ELAVL2: variants seen among roughly 807,000 people sequenced by gnomAD.
The protein encoded by ELAVL2 is ELAV like RNA binding protein 2.
A neutral mutation model predicts 34.6 loss-of-function variants in ELAVL2; 4 were observed. The ratio of observed to expected loss-of-function variants is 0.12; its 90% CI spans 0.06 to 0.26. ELAVL2 has a LOEUF of 0.26. Among genes scored for constraint, ELAVL2 ranks in the 10% least tolerant of loss-of-function variants. The pLI is 1.00. For missense variants in ELAVL2, 432 were observed against 442.8 expected, an observed-to-expected ratio of 0.98 and a Z score of 0.22; for synonymous variants, 193 against 154.8, an observed-to-expected ratio of 1.25 and a Z score of -1.83.
the ELAVL2 span, among the ~76,000 whole-genome samples, chr9:23,843,440 A>C: frequency 6.6e-6 from 1 of 152,130 alleles, no homozygotes; most frequent in Non-Finnish European, 1.5e-5. Flanking sequence ...AAAACTACAC[A>C]CATTTAGGAG....
intron 1 of ELAVL2, among the ~76,000 whole-genome samples, chr9:23,774,213 C>CAAAAAAAAAAAAAAAA (rs57247631): frequency 1.8e-4 from 11 of 61,448 alleles, no homozygotes; most frequent in Non-Finnish European, 2.3e-4. Flanking sequence ...GACTCCATCT[C>CAAAAAAAAAAAAAAAA]AAAAAAAAAA....
chr9:23,736,767 A>T (rs77795426), intron 2 of ELAVL2, among the ~76,000 whole-genome samples: 1,547 of 152,218 alleles, frequency 0.01, 33 homozygotes, highest in African/African-American at 0.036. Flanking sequence ...TTAATTCCAA[A>T]AACAGCCATC....
chr9:23,763,586 G>C (rs2055552818), intron 1 of ELAVL2, among the ~76,000 whole-genome samples: 1 of 152,116 alleles, frequency 6.6e-6, no homozygotes, highest in Admixed American at 6.6e-5. Context: ...TAAAGGGAAA[G>C]AGGGTTACAA....
At chr9:23,696,199 T>C (rs1349531808) in intron 5 of ELAVL2, among the ~76,000 whole-genome samples, 1 of 152,006 alleles carries the variant, frequency 6.6e-6, no homozygotes, top group Non-Finnish European at 1.5e-5. Context: ...GCCCAGGCAC[T>C]GCTGAAGCCC....
At position 23,764,955 on chromosome 9, in the gene ELAVL2, C is replaced by T. The variant is rs2055898042; in HGVS notation, c.-15-2706G>A. 2.6e-6 allele frequency: 4 copies of T among 1,563,500 alleles called. No individual in the cohort carries two copies. The South Asian group carries it at 3.4e-5, about 13-fold the overall frequency. On this transcript the variant is annotated intron_variant, in intron 1 of 6. Transcript: ENST00000397312. The stretch of plus-strand genomic sequence containing the variant: ...AGTGTTTGGTATGGCCTCAGCACTC[C>T]TCCAACATGCTAAAAAAAAGTAGCC...
chr9:23,788,896 A>G (rs1372698234), intron 1 of ELAVL2, among the ~76,000 whole-genome samples: 2 of 152,214 alleles, frequency 1.3e-5, no homozygotes, highest in Admixed American at 6.5e-5. Context: ...ACGCAGTGTA[A>G]AACTTGTGAA....
At chr9:23,762,450 C>T (rs1470653648) in intron 1 of ELAVL2, among the ~76,000 whole-genome samples, 1 of 152,088 alleles carries the variant, frequency 6.6e-6, no homozygotes, top group African/African-American at 2.4e-5. Flanking sequence ...TATATTTTCA[C>T]ATACATATTC....
At chr9:23,742,554 A>T (rs574540720) in intron 2 of ELAVL2, among the ~76,000 whole-genome samples, 1 of 152,212 alleles carries the variant, frequency 6.6e-6, no homozygotes, top group Non-Finnish European at 1.5e-5. Context: ...CAATAAAAAC[A>T]TATTTCACCT....
At chr9:23,772,994 A>C (rs1232448351) in intron 1 of ELAVL2, among the ~76,000 whole-genome samples, 1 of 152,190 alleles carries the variant, frequency 6.6e-6, no homozygotes, top group Non-Finnish European at 1.5e-5. Context: ...CAGCTAGAAC[A>C]AAACACACCT....
intron 1 of ELAVL2, among the ~76,000 whole-genome samples, chr9:23,785,647 A>T (rs1487277289): frequency 6.6e-6 from 1 of 152,206 alleles, no homozygotes; most frequent in Non-Finnish European, 1.5e-5. Flanking sequence ...AACTCCCAGT[A>T]TGAGTACGAA....
chr9:23,715,713 A>G (rs2042120769), intron 3 of ELAVL2, among the ~76,000 whole-genome samples: 1 of 152,198 alleles, frequency 6.6e-6, no homozygotes, highest in Non-Finnish European at 1.5e-5. Context: ...CCAAAAATGT[A>G]CTTAAGATAT....
the ELAVL2 span, among the ~76,000 whole-genome samples, chr9:23,837,551 T>G: frequency 1.3e-5 from 2 of 152,260 alleles, no homozygotes; most frequent in African/African-American, 4.8e-5. Flanking sequence ...ACTGAGGAAG[T>G]TAAGTAATTT....
At chr9:23,804,273 A>C (rs2061941077) in intron 1 of ELAVL2, among the ~76,000 whole-genome samples, 1 of 151,904 alleles carries the variant, frequency 6.6e-6, no homozygotes, top group African/African-American at 2.4e-5. Flanking sequence ...TCCTGGGTTC[A>C]AGCAATAAAA....
intron 3 of ELAVL2, among the ~76,000 whole-genome samples, chr9:23,730,353 T>C (rs1222453722): frequency 6.6e-6 from 1 of 152,094 alleles, no homozygotes; most frequent in Non-Finnish European, 1.5e-5. Context: ...AAATAACCTG[T>C]GTCATGTAAG....
chr9:23,801,280 CT>C (rs2061534988), intron 1 of ELAVL2, among the ~76,000 whole-genome samples: 4 of 152,084 alleles, frequency 2.6e-5, no homozygotes, highest in Admixed American at 6.6e-5. Flanking sequence ...TTAACTGCTG[CT>C]TTATTTCTTT....
intron 1 of ELAVL2, among the ~76,000 whole-genome samples, chr9:23,783,959 C>T (rs34146403): frequency 0.029 from 4,394 of 151,722 alleles, 86 homozygotes; most frequent in East Asian, 0.076. Flanking sequence ...CTTTGGGAGG[C>T]TGAGGCGCGT....
At chr9:23,721,156 T>C (rs778148252) in intron 3 of ELAVL2, among the ~76,000 whole-genome samples, 10 of 152,136 alleles carry the variant, frequency 6.6e-5, no homozygotes, top group Admixed American at 2.6e-4. Context: ...TTTAGGAATA[T>C]AAATCACCTG....
chr9:23,762,231 C>G lies in ELAVL2; in HGVS notation c.4G>C (p.Glu2Gln). ...GTTGGCCCATTAGACAGTTGTGTTT[C>G]CATGGCAGCAATTACCTGCTAAAAA... M[E>Q]TQLSNGPTCN... is the part of the protein sequence containing the mutation. The change falls in exon 2 of 7, where the codon GAA (glutamate) becomes CAA (glutamine). Residue 2 changes from glutamate to glutamine, a missense_variant. Glu to Gln is a conservative substitution (Grantham distance 29). Transcript: ENST00000397312. 1 of 1,613,288 alleles carries G rather than the reference C, an allele frequency of 6.2e-7. No homozygotes were observed. The highest frequency in any genetic ancestry group is 8.5e-7 in the Non-Finnish European group (1 of 1,179,530).
chr9:23,712,666 C>G (rs895776121), intron 3 of ELAVL2, among the ~76,000 whole-genome samples: 5 of 152,070 alleles, frequency 3.3e-5, no homozygotes, highest in African/African-American at 1.2e-4. Flanking sequence ...TATAAGATTA[C>G]AAACCAATTA....
Sources: gnomAD v4.1 joint callset for allele counts (sites outside exome capture counted in the v4.1 genomes callset) on GRCh38, gnomAD v4.1.1 for gene constraint, MANE v1.5 for transcripts, NCBI Gene and HGNC (gene_info 2026-07-23, HGNC 2026-07-21) for gene names.